The following GABRB2 variants were observed in gnomAD, a reference collection of about 807,000 sequenced individuals.
The protein encoded by GABRB2 is gamma-aminobutyric acid receptor subunit beta-2.
A neutral mutation model predicts 54.7 loss-of-function variants in GABRB2; 16 were observed. The ratio of observed to expected loss-of-function variants is 0.29; its 90% CI spans 0.20 to 0.44. GABRB2 has a LOEUF of 0.44. Ranked by LOEUF, GABRB2 falls within the 20% of genes least tolerant of loss-of-function variation. The pLI is 1.00. For synonymous variants in GABRB2, 244 were observed against 233.8 expected (o/e 1.04, Z -0.40); for missense variants, 355 against 644.0 (o/e 0.55, Z 4.86).
chr5:161,348,534 TTA>T lies in GABRB2; in HGVS notation c.542-11767_542-11766del, dbSNP rs963782640. On this transcript the variant is annotated intron_variant, in intron 5 of 9. Coordinates refer to ENST00000393959, the MANE Select transcript of GABRB2 (RefSeq NM_001371727.1). ...TAAGGCAAGTCAAGTCTTGTTTTTG[TTA>T]TGAAGAAAGTGTTGACCTCAAGGAC... Among the ~76,000 whole-genome samples the T allele has an allele frequency of 4.1e-4, 62 of 152,164 alleles. 1 individual carries two copies. Among genetic ancestry groups the T allele is most frequent in the African/African-American group, 1.5e-3 (61 of 41,546 alleles).
At chr5:161,494,442 TTACTGTA>T (rs1759169069) in intron 3 of GABRB2, among the ~76,000 whole-genome samples, 1 of 151,812 alleles carries the variant, frequency 6.6e-6, no homozygotes, top group Admixed American at 6.6e-5. Context: ...CATGGTTGTT[TTACTGTA>T]TACTGTCTAA....
chr5:161,516,393 C>T (rs964543196), intron 3 of GABRB2, among the ~76,000 whole-genome samples: 1 of 150,484 alleles, frequency 6.6e-6, no homozygotes, highest in Non-Finnish European at 1.5e-5. Context: ...GTGAGTTCGC[C>T]TTGCCTTCAC....
intron 3 of GABRB2, among the ~76,000 whole-genome samples, chr5:161,499,474 C>G (rs1472005575): frequency 1.3e-5 from 2 of 152,056 alleles, no homozygotes; most frequent in African/African-American, 2.4e-5. Context: ...CCTAAACACC[C>G]AACGGTTTAA....
intron 5 of GABRB2, among the ~76,000 whole-genome samples, chr5:161,395,974 AAGG>A (rs1755986807): frequency 6.6e-6 from 1 of 152,214 alleles, no homozygotes; most frequent in Non-Finnish European, 1.5e-5. Flanking sequence ...AAATAATGTC[AAGG>A]AGAAGTTTCT....
intron 3 of GABRB2, among the ~76,000 whole-genome samples, chr5:161,471,829 GC>G (rs989647181): frequency 4.6e-5 from 7 of 151,698 alleles, no homozygotes; most frequent in African/African-American, 1.7e-4. Context: ...GCTTTTTATT[GC>G]CCTATAAATT....
rs2113333344 is a variant in GABRB2 at position 161,294,192 on chromosome 5, G to A, written c.1428C>T (p.Ile476=). ...TCACATCAGTCAAGTCAGGGATGGT[G>A]ATTTTCAGTTGGGAGGCGCGTCTCC... ...RLRRRASQLK[I]TIPDLTDVNA... Residue 476 remains isoleucine (I), a synonymous_variant, in exon 10 of 10, where the codon ATC becomes ATT. Coordinates refer to ENST00000393959, the MANE Select transcript of GABRB2 (RefSeq NM_001371727.1). 6.2e-7 allele frequency: 1 copy of A among 1,614,142 alleles called. No individual in the cohort carries two copies. Among genetic ancestry groups the A allele is most frequent in the Non-Finnish European group, 8.5e-7 (1 of 1,180,002 alleles).
At chr5:161,352,721 A>T (rs1261461691) in intron 5 of GABRB2, among the ~76,000 whole-genome samples, 1 of 152,066 alleles carries the variant, frequency 6.6e-6, no homozygotes, top group African/African-American at 2.4e-5. Flanking sequence ...GCAAAAAATA[A>T]GTATGTAAGG....
At chr5:161,417,019 G>A (rs569117319) in intron 4 of GABRB2, among the ~76,000 whole-genome samples, 1 of 152,120 alleles carries the variant, frequency 6.6e-6, no homozygotes, top group Non-Finnish European at 1.5e-5. Flanking sequence ...ATTAGAGTAT[G>A]AACTAAACTT....
At position 161,321,431 on chromosome 5, in the gene GABRB2, T is replaced by C. The variant is rs746816661; in HGVS notation, c.1191+4937A>G. Among the ~76,000 whole-genome samples, 24 of 152,112 alleles carry C rather than the reference T, an allele frequency of 1.6e-4. No individual in the cohort carries two copies. In the South Asian group the frequency reaches 1.9e-3, roughly 12 times the overall value. On this transcript the variant is annotated intron_variant, in intron 9 of 9. Transcript: ENST00000393959. ...GGAAACCTTAACTCCTGGACATGTA[T>C]AGCTTTAGTTCTACGTGTTATCTTT...
chr5:161,378,996 C>G (rs564166141), intron 5 of GABRB2, among the ~76,000 whole-genome samples: 147 of 152,242 alleles, frequency 9.7e-4, no homozygotes, highest in Non-Finnish European at 1.6e-3. Context: ...TTCAAATAGA[C>G]TAGAAATTTG....
chr5:161,440,330 T>A (rs1384321989), intron 4 of GABRB2, among the ~76,000 whole-genome samples: 1 of 152,128 alleles, frequency 6.6e-6, no homozygotes, highest in African/African-American at 2.4e-5. Flanking sequence ...CTCATTGATC[T>A]GTTGCCTACA....
chr5:161,414,206 G>T (rs990760500), intron 4 of GABRB2, among the ~76,000 whole-genome samples: 1 of 152,126 alleles, frequency 6.6e-6, no homozygotes. Context: ...TCCACTTGGA[G>T]TCCTGATCAT....
chr5:161,519,809 C>G (rs1760058504), intron 3 of GABRB2, among the ~76,000 whole-genome samples: 1 of 152,032 alleles, frequency 6.6e-6, no homozygotes, highest in African/African-American at 2.4e-5. Flanking sequence ...TGAAATTTTA[C>G]AAGTCATTCT....
chr5:161,393,601 A>G (rs1310154227), intron 5 of GABRB2, among the ~76,000 whole-genome samples: 2 of 152,108 alleles, frequency 1.3e-5, no homozygotes, highest in Non-Finnish European at 2.9e-5. Context: ...ATAATGTCAG[A>G]AAGGTTATTT....
At chr5:161,397,144 T>C (rs1420369647) in intron 5 of GABRB2, among the ~76,000 whole-genome samples, 2 of 152,202 alleles carry the variant, frequency 1.3e-5, no homozygotes, top group African/African-American at 2.4e-5. Context: ...CCTGTTAGCA[T>C]GACCTTCACT....
intron 9 of GABRB2, among the ~76,000 whole-genome samples, chr5:161,324,930 A>G (rs557657173): frequency 6.6e-6 from 1 of 152,164 alleles, no homozygotes; most frequent in South Asian, 2.1e-4. Flanking sequence ...GGGATAAGAG[A>G]GTATTAACGC....
At chr5:161,412,499 C>T (rs1478818267) in intron 4 of GABRB2, among the ~76,000 whole-genome samples, 2 of 152,128 alleles carry the variant, frequency 1.3e-5, no homozygotes, top group African/African-American at 4.8e-5. Context: ...CTATTCACTG[C>T]CCCACTAAAC....
At chr5:161,325,094 C>T (rs900623848) in intron 9 of GABRB2, among the ~76,000 whole-genome samples, 1 of 152,026 alleles carries the variant, frequency 6.6e-6, no homozygotes, top group Non-Finnish European at 1.5e-5. Context: ...GAAATACAGC[C>T]TTCTTCAATC....
intron 3 of GABRB2, among the ~76,000 whole-genome samples, chr5:161,501,360 G>C (rs892867869): frequency 6.6e-6 from 1 of 151,998 alleles, no homozygotes; most frequent in African/African-American, 2.4e-5. Context: ...TAGCAAGGTG[G>C]AATTAATTAC....
Sources: allele counts gnomAD v4.1 joint callset (sites outside exome capture counted in the v4.1 genomes callset), GRCh38; gene constraint gnomAD v4.1.1; transcripts MANE v1.5; gene names NCBI Gene and HGNC (gene_info 2026-07-23, HGNC 2026-07-21).